The following ZNF862 variants were observed in gnomAD, a reference collection of about 807,000 sequenced individuals.
ZNF862 encodes the protein zinc finger protein 862.
Under a neutral mutation model 91.1 loss-of-function variants are expected in ZNF862, and 64 were observed. That is an observed-to-expected ratio of 0.70 (90% confidence interval 0.57 to 0.87). The LOEUF is 0.87. Among genes scored for constraint, ZNF862 ranks in the 40% least tolerant of loss-of-function variants. The pLI is 0.00. For synonymous variants in ZNF862, 631 were observed against 618.1 expected (o/e 1.02, Z -0.31); for missense variants, 1,459 against 1,528.0 (o/e 0.95, Z 0.75).
rs1449794869 is a variant in ZNF862 at position 149,861,705 on chromosome 7, A to G, written c.2545A>G (p.Ser849Gly). 6.2e-7 allele frequency: 1 copy of G among 1,613,238 alleles called. No homozygotes were observed. The highest frequency in any genetic ancestry group is 8.5e-7 in the Non-Finnish European group (1 of 1,179,732). ...CTGCCACTTCCTGTTGGACTTCCTGAGCATCTACAGGCCTCTGTCCGAGGT... is the reference window on the plus strand; with the variant it reads ...CTGCCACTTCCTGTTGGACTTCCTGGGCATCTACAGGCCTCTGTCCGAGGT... ...KFCHFLLDFL[S>G]IYRPLSEVCQ... The change falls in exon 7 of 8, where the codon AGC becomes GGC. Residue 849 changes from serine (S) to glycine (G), a missense_variant. By Grantham distance (56) the Ser-to-Gly change is moderately conservative (BLOSUM62 0). Coordinates refer to ENST00000223210, the MANE Select transcript of ZNF862 (RefSeq NM_001099220.3). This position sits in a 1 kb window ranked among gnomAD's most constrained non-coding sequence, Gnocchi z 6.7.
In ZNF862 at chr7:149,862,058, T is replaced by C. The variant is rs765880406; in HGVS notation, c.2898T>C (p.Asn966=). The C allele has an allele frequency of 3.7e-6, 6 of 1,613,806 alleles. No homozygotes were observed. In the Middle Eastern group the frequency reaches 4.9e-4, roughly 133 times the overall value. ...PSGIELASFG[N]DDILNLARYF... ...GGATTGAACTTGCCAGTTTTGGGAATGATGACATTCTCAACCTGGCCAGGT... is the reference window on the plus strand; with the variant it reads ...GGATTGAACTTGCCAGTTTTGGGAACGATGACATTCTCAACCTGGCCAGGT... The change falls in exon 7 of 8, where the codon AAT becomes AAC. Residue 966 remains asparagine (N), a synonymous_variant. Transcript: ENST00000223210.
In ZNF862 at chr7:149,864,488, T is replaced by C; in HGVS notation, c.*204T>C. On this transcript the variant is annotated 3_prime_UTR_variant, in exon 8 of 8. Transcript: ENST00000223210. ...AGGCCCCACTCAGCACAGCCATGCC[T>C]CACAGCACACAAATGTGCCAGAAGG... 4 of 566,544 alleles carry C rather than the reference T, an allele frequency of 7.1e-6. No individual in the cohort carries two copies. The highest frequency in any genetic ancestry group is 9.4e-6 in the Non-Finnish European group (3 of 319,920). The allele number at this position is 566,544 out of a possible 1,614,324, so 35.1% of individuals were successfully genotyped here. A position where few individuals can be genotyped will look rare whatever the true frequency, so the allele number is the denominator to read the frequency against.
At chr7:149,840,522 C>T (rs1364879112) in intron 1 of ZNF862, among the ~76,000 whole-genome samples, 2 of 152,082 alleles carry the variant, frequency 1.3e-5, no homozygotes, top group East Asian at 3.8e-4. Flanking sequence ...TCAGTCATGT[C>T]CTAGGCCTTC....
chr7:149,851,273 C>T (rs759544981), intron 5 of ZNF862, among the ~76,000 whole-genome samples: 11 of 152,174 alleles, frequency 7.2e-5, no homozygotes, highest in Non-Finnish European at 1.2e-4. Flanking sequence ...TCAGGTGATC[C>T]ACCTGCCTTG....
chr7:149,863,960 C>G (rs3857764), intron 7 of ZNF862, 149 bp from the exon 8 acceptor site: 476,913 of 769,278 alleles, frequency 0.62, 152,007 homozygotes, highest in African/African-American at 0.84. Context: ...AACAGAGTAG[C>G]AACAGATGAG....
Position 149,847,906 on chromosome 7 carries a change from C to T in ZNF862, c.413C>T (p.Ser138Phe). The change falls in exon 4 of 8, where the codon TCC becomes TTC. Residue 138 changes from serine to phenylalanine, a missense_variant. Ser to Phe is a radical substitution (Grantham distance 155). Transcript: ENST00000223210. ...GRNRKLLKPR[S>F]IQKSWFVQFP... ...AACAGGAAACTTCTGAAGCCCCGGT[C>T]CATCCAGAAGTCGTGGTTTGTGCAG... The T allele has an allele frequency of 6.2e-7, 1 of 1,607,136 alleles. No homozygotes were observed. The highest frequency in any genetic ancestry group is 8.5e-7 in the Non-Finnish European group (1 of 1,176,574).
At chr7:149,840,042 A>G (rs1415465211) in intron 1 of ZNF862, among the ~76,000 whole-genome samples, 5 of 152,136 alleles carry the variant, frequency 3.3e-5, no homozygotes, top group African/African-American at 1.2e-4. Flanking sequence ...GGTTTCCATC[A>G]ACACCGCTCT....
Position 149,861,017 on chromosome 7 carries a change from G to T in ZNF862, c.1857G>T (p.Arg619=). ...TLKREILEDV[R]NSPCVSVLLD... ...AGAGGGAGATCCTGGAGGACGTGCG[G>T]AACTCGCCCTGTGTGAGCGTGCTGC... Residue 619 remains arginine (R), a synonymous_variant, in exon 7 of 8, where the codon CGG becomes CGT. Transcript: ENST00000223210. The surrounding 1 kb of genome is among the most constrained non-coding windows in gnomAD (Gnocchi z 6.7). 2 of 1,613,080 alleles carry T rather than the reference G, an allele frequency of 1.2e-6. No individual in the cohort carries two copies. Among genetic ancestry groups the T allele is most frequent in the Non-Finnish European group, 1.7e-6 (2 of 1,179,738 alleles).
intron 7 of ZNF862, 56 bp from the exon 8 acceptor site, chr7:149,864,053 T>C: frequency 6.6e-7 from 1 of 1,514,734 alleles, no homozygotes; most frequent in Non-Finnish European, 8.9e-7. Context: ...CGAAGCTGGA[T>C]GTGGAAGGCG....
chr7:149,844,169 C>A (rs963969169), intron 1 of ZNF862, among the ~76,000 whole-genome samples: 1 of 151,672 alleles, frequency 6.6e-6, no homozygotes, highest in Admixed American at 6.6e-5. Context: ...ATCTCAGCCC[C>A]AAAGCATTGC....
intron 1 of ZNF862, among the ~76,000 whole-genome samples, chr7:149,839,537 T>A (rs887200060): frequency 6.6e-6 from 1 of 152,190 alleles, no homozygotes; most frequent in Non-Finnish European, 1.5e-5. Context: ...CTCAAGGAGC[T>A]CTCCTGCAGT....
At chr7:149,845,805 G>C (rs1243668286) in intron 2 of ZNF862, among the ~76,000 whole-genome samples, 1 of 152,118 alleles carries the variant, frequency 6.6e-6, no homozygotes, top group African/African-American at 2.4e-5. Context: ...CGTCTTGCAG[G>C]TTGCCACAGC....
At position 149,838,605 on chromosome 7, in the gene ZNF862, C is replaced by T; in HGVS notation, c.-7C>T. On this transcript the variant is annotated 5_prime_UTR_variant, in exon 1 of 8. Transcript: ENST00000223210. ...AGGGGGCGGCACGGGCCTCCGAAAGCGGGGCCATGGAGCCCAGAGAGTCGG... is the reference window on the plus strand; with the variant it reads ...AGGGGGCGGCACGGGCCTCCGAAAGTGGGGCCATGGAGCCCAGAGAGTCGG... The T allele has an allele frequency of 8.2e-7, 1 of 1,225,002 alleles. No individual in the cohort carries two copies. The highest frequency in any genetic ancestry group is 4.1e-5 in the South Asian group (1 of 24,120). The allele number at this position is 1,225,002 out of a possible 1,614,324, so 75.9% of individuals were successfully genotyped here.
At chr7:149,860,239 C>A in intron 6 of ZNF862, 144 bp from the exon 7 acceptor site, 1 of 735,976 alleles carries the variant, frequency 1.4e-6, no homozygotes, top group Non-Finnish European at 2.2e-6. Flanking sequence ...TTTAAGTGGA[C>A]GCCACTTTCT....
intron 1 of ZNF862, among the ~76,000 whole-genome samples, chr7:149,838,963 T>A (rs1314490849): frequency 6.6e-6 from 1 of 152,184 alleles, no homozygotes; most frequent in African/African-American, 2.4e-5. Context: ...GAAGAGGCCC[T>A]GCTAAGGCTT....
At position 149,865,794 on chromosome 7, in the gene ZNF862, T is replaced by G. The variant is rs1802695741; in HGVS notation, c.*1510T>G. ...GGCTCAGGCAGGTCCTGTGCTGTGC[T>G]GCAGGCCCCTGTGGGTGGGCCCTTT... On this transcript the variant is annotated 3_prime_UTR_variant, in exon 8 of 8. Coordinates refer to ENST00000223210, the MANE Select transcript of ZNF862 (RefSeq NM_001099220.3). 1 of 152,304 alleles carries G rather than the reference T, an allele frequency of 6.6e-6. No homozygotes were observed. The highest frequency in any genetic ancestry group is 1.5e-5 in the Non-Finnish European group (1 of 68,104). The allele number at this position is 152,304 out of a possible 1,614,324, so 9.4% of individuals were successfully genotyped here.
intron 5 of ZNF862, among the ~76,000 whole-genome samples, chr7:149,854,790 C>A (rs1802200065): frequency 6.6e-6 from 1 of 152,376 alleles, no homozygotes; most frequent in Admixed American, 6.5e-5. Flanking sequence ...CCTCCGTGCT[C>A]AGGCCGGCAG....
At position 149,861,491 on chromosome 7, in the gene ZNF862, G is replaced by T; in HGVS notation, c.2331G>T (p.Glu777Asp). The change falls in exon 7 of 8, where the codon GAG becomes GAT. Residue 777 changes from glutamate (E) to aspartate (D), a missense_variant. By Grantham distance (45) the Glu-to-Asp change is conservative. Coordinates refer to ENST00000223210, the MANE Select transcript of ZNF862 (RefSeq NM_001099220.3). This position sits in a 1 kb window ranked among gnomAD's most constrained non-coding sequence, Gnocchi z 6.7. ...LQEGAAPLEQEIIRLKDLNAV... is the reference protein window; with the variant it reads ...LQEGAAPLEQDIIRLKDLNAV... ...AAGGTGCGGCGCCTCTGGAGCAGGA[G>T]ATCATCCGCCTGAAGGATCTGAATG... The T allele has an allele frequency of 6.2e-7, 1 of 1,612,478 alleles. No homozygotes were observed. Among genetic ancestry groups the T allele is most frequent in the South Asian group, 1.1e-5 (1 of 90,970 alleles).
chr7:149,843,119 T>C (rs910740475), intron 1 of ZNF862, among the ~76,000 whole-genome samples: 1 of 152,238 alleles, frequency 6.6e-6, no homozygotes, highest in African/African-American at 2.4e-5. Context: ...GTAGGTGATC[T>C]TAATACATTT....
Sources: allele counts gnomAD v4.1 joint callset (sites outside exome capture counted in the v4.1 genomes callset), GRCh38; gene constraint gnomAD v4.1.1; non-coding constraint Gnocchi (gnomAD v3.1); transcripts MANE v1.5; gene names NCBI Gene and HGNC (gene_info 2026-07-23, HGNC 2026-07-21).